USH2A: variants seen among roughly 807,000 people sequenced by gnomAD.
USH2A encodes the protein usherin, also known as Usher syndrome 2A (autosomal recessive, mild).
Under a neutral mutation model 538.9 loss-of-function variants are expected in USH2A, and 443 were observed. That is an observed-to-expected ratio of 0.82 (90% CI 0.76 to 0.89). The LOEUF (loss-of-function observed/expected upper bound fraction) is 0.89. USH2A is among the 40% of genes least tolerant of loss of function. USH2A has a pLI of 0.00. For missense variants in USH2A, 6,633 were observed against 6,324.8 expected (o/e 1.05, Z -1.65); for synonymous variants, 2,413 against 2,273.5 (o/e 1.06, Z -1.75).
chr1:215,657,780 C>T (rs898861147), intron 64 of USH2A, among the ~76,000 whole-genome samples: 1 of 152,096 alleles, frequency 6.6e-6, no homozygotes, highest in Non-Finnish European at 1.5e-5. Flanking sequence ...AAGACATTTC[C>T]CATGCTAGAA....
chr1:215,991,220 G>C (rs558859021), intron 35 of USH2A, among the ~76,000 whole-genome samples: 1 of 152,268 alleles, frequency 6.6e-6, no homozygotes, highest in African/African-American at 2.4e-5. Flanking sequence ...AAATATTCCA[G>C]CATGGCTAGA....
intron 32 of USH2A, among the ~76,000 whole-genome samples, chr1:216,022,207 G>A (rs74143908): frequency 0.042 from 6,319 of 152,118 alleles, 370 homozygotes; most frequent in African/African-American, 0.14. Context: ...CCCAGTCTTG[G>A]GTGATTCCTT....
At chr1:215,634,957 G>A (rs1473662379) in intron 69 of USH2A, among the ~76,000 whole-genome samples, 1 of 152,176 alleles carries the variant, frequency 6.6e-6, no homozygotes, top group African/African-American at 2.4e-5. Flanking sequence ...AATCACCACT[G>A]TCTTGACAAA....
intron 3 of USH2A, among the ~76,000 whole-genome samples, chr1:216,378,962 T>C (rs1344282643): frequency 6.6e-6 from 1 of 152,180 alleles, no homozygotes; most frequent in African/African-American, 2.4e-5. Context: ...GATTTGATAA[T>C]TGTGGGGCAA....
Position 216,196,600 on chromosome 1 carries a change from G to C in USH2A, c.4204C>G (p.Leu1402Val). 6.2e-7 allele frequency: 1 copy of C among 1,613,538 alleles called. No homozygotes were observed. ...GKVVGYDINM[L>V]SEQSPQQSIP... is the part of the protein sequence containing the mutation. The stretch of plus-strand genomic sequence containing the variant: ...GACTGTTGAGGTGATTGTTCAGAAA[G>C]CATATTGATGTCATACCCCACAACT... The change falls in exon 19 of 72, where the codon CTT becomes GTT. Residue 1402 changes from leucine to valine, a missense_variant. Transcript: ENST00000307340.
At chr1:215,839,595 G>T (rs1207316688) in intron 46 of USH2A, among the ~76,000 whole-genome samples, 1 of 152,094 alleles carries the variant, frequency 6.6e-6, no homozygotes, top group Non-Finnish European at 1.5e-5. Flanking sequence ...AAAGGAAAAT[G>T]ACCAATGACT....
chr1:216,085,253 A>G (rs902073313), intron 24 of USH2A: 2 of 250,046 alleles, frequency 8.0e-6, no homozygotes, highest in African/African-American at 2.3e-5. Context: ...TATAGTTTAC[A>G]GTTTAGATTC....
intron 35 of USH2A, among the ~76,000 whole-genome samples, chr1:215,985,850 T>A (rs1667857744): frequency 6.6e-6 from 1 of 152,114 alleles, no homozygotes; most frequent in African/African-American, 2.4e-5. Flanking sequence ...CTCAAAACAC[T>A]GAGCCAAATG....
intron 4 of USH2A, among the ~76,000 whole-genome samples, chr1:216,343,881 T>C (rs933623866): frequency 1.3e-5 from 2 of 152,066 alleles, no homozygotes; most frequent in Admixed American, 6.6e-5. Flanking sequence ...AAGGGTTTTA[T>C]GCCAAAAAAT....
At chr1:215,653,044 C>T (rs1657130395) in intron 64 of USH2A, among the ~76,000 whole-genome samples, 1 of 152,192 alleles carries the variant, frequency 6.6e-6, no homozygotes, top group African/African-American at 2.4e-5. Context: ...TAATTCATAG[C>T]AAGTGCTCAG....
chr1:215,776,108 C>A (rs1175536282), intron 55 of USH2A, among the ~76,000 whole-genome samples: 2 of 152,108 alleles, frequency 1.3e-5, no homozygotes, highest in Admixed American at 6.6e-5. Context: ...GTAGAGGTAG[C>A]CCAAAGTGAA....
In USH2A at chr1:215,674,360, A is replaced by AC; in HGVS notation, c.13550dup (p.Ile4518TyrfsTer44). 6.2e-7 allele frequency: 1 copy of AC among 1,613,834 alleles called. No individual in the cohort carries two copies. Among genetic ancestry groups the AC allele is most frequent in the East Asian group, 2.2e-5 (1 of 44,856 alleles). On this transcript the variant is annotated frameshift_variant, in exon 63 of 72. Transcript: ENST00000307340. LOFTEE classifies it high-confidence loss of function. ...GATCTTTGACAAGAGGACTCAAAAT[A>AC]CCCCCTTGGCTGTTGCTGGCAGTTA...
chr1:216,140,809 T>G (rs374561577), intron 21 of USH2A, among the ~76,000 whole-genome samples: 7 of 152,298 alleles, frequency 4.6e-5, no homozygotes, highest in African/African-American at 1.4e-4. Flanking sequence ...AGAGCAGGCC[T>G]TCAAGAAAAG....
chr1:215,874,011 C>T (rs1389447176), intron 43 of USH2A, among the ~76,000 whole-genome samples: 1 of 152,126 alleles, frequency 6.6e-6, no homozygotes, highest in Non-Finnish European at 1.5e-5. Flanking sequence ...AGAACATGCT[C>T]ATTGTATTCT....
rs768228666 is a variant in USH2A at position 215,970,744 on chromosome 1, C to A, written c.6838G>T (p.Gly2280Cys). The change falls in exon 36 of 72, where the codon GGT (glycine) becomes TGT (cysteine). Residue 2280 changes from glycine to cysteine, a missense_variant. Transcript: ENST00000307340. ...VITSYGLYLD[G>C]ILIHNSSELS... is the part of the protein sequence containing the mutation. ...TCTGAGGAATTGTGGATTAATATAC[C>A]ATCTAGATATAATCCATAACTCGTG... 5.0e-6 allele frequency: 8 copies of A among 1,613,346 alleles called. No homozygotes were observed. The highest frequency in any genetic ancestry group is 1.7e-5 in the Admixed American group (1 of 59,932).
intron 3 of USH2A, among the ~76,000 whole-genome samples, chr1:216,406,497 C>A (rs1009978707): frequency 3.3e-5 from 5 of 152,134 alleles, no homozygotes; most frequent in African/African-American, 1.2e-4. Flanking sequence ...AATCAGACCT[C>A]AATAAAGTGG....
At chr1:216,367,118 T>C (rs2038614808) in intron 3 of USH2A, among the ~76,000 whole-genome samples, 1 of 152,194 alleles carries the variant, frequency 6.6e-6, no homozygotes, top group Admixed American at 6.5e-5. Flanking sequence ...TTTTCCTTTA[T>C]CACATTAGCA....
At chr1:216,094,110 TG>T in intron 22 of USH2A, among the ~76,000 whole-genome samples, 1 of 152,176 alleles carries the variant, frequency 6.6e-6, no homozygotes, top group East Asian at 1.9e-4. Flanking sequence ...ACTAACAGGT[TG>T]AAGGGGAAAA....
At chr1:216,175,103 C>T (rs2034348644) in intron 21 of USH2A, 149 bp downstream of exon 21, 1 of 1,487,532 alleles carries the variant, frequency 6.7e-7, no homozygotes, top group African/African-American at 1.4e-5. Context: ...GATGGACATG[C>T]TGAAACAATC....
Sources: gnomAD v4.1 joint callset for allele counts (sites outside exome capture counted in the v4.1 genomes callset) on GRCh38, gnomAD v4.1.1 for gene constraint, MANE v1.5 for transcripts, NCBI Gene and HGNC (gene_info 2026-07-23, HGNC 2026-07-21) for gene names.